EPB41L2: variants seen among roughly 807,000 people sequenced by gnomAD.
EPB41L2 encodes the protein erythrocyte membrane protein band 4.1 like 2.
EPB41L2 carries 43 observed loss-of-function variants against 113.0 expected under a neutral mutation model. That is an observed-to-expected ratio of 0.38 (90% CI 0.30 to 0.49). EPB41L2 has a LOEUF of 0.49. Ranked by LOEUF, EPB41L2 falls within the 20% of genes least tolerant of loss-of-function variation. EPB41L2 has a pLI of 0.95. For missense variants in EPB41L2, 1,147 were observed against 1,223.4 expected, an observed-to-expected ratio of 0.94 and a Z score of 0.93; for synonymous variants, 442 against 436.7, an observed-to-expected ratio of 1.01 and a Z score of -0.15.
rs1562504496 is a variant in EPB41L2, at chr6:130,926,728, C to T, written c.706-19G>A. On this transcript the variant is annotated intron_variant, in intron 3 of 19. Coordinates refer to ENST00000337057, the MANE Select transcript of EPB41L2 (RefSeq NM_001431.4). ...CATGTTTCTGGAGAAAAAATAATAA[C>T]TTTACTTTTCAAGTACTAAAGATTC... The T allele has an allele frequency of 6.5e-7, 1 of 1,531,284 alleles. No homozygotes were observed. Among genetic ancestry groups the T allele is most frequent in the East Asian group, 2.3e-5 (1 of 43,812 alleles). The allele number at this position is 1,531,284 out of a possible 1,614,324, so 94.9% of individuals were successfully genotyped here. A position where few individuals can be genotyped will look rare whatever the true frequency, so the allele number is the denominator to read the frequency against.
At chr6:130,979,053 C>T (rs900767377) in intron 1 of EPB41L2, among the ~76,000 whole-genome samples, 3 of 152,164 alleles carry the variant, frequency 2.0e-5, no homozygotes, top group African/African-American at 7.2e-5. Context: ...ACAAGGGAAG[C>T]AACACCCAAA....
At chr6:130,856,842 T>C (rs894272506) in intron 19 of EPB41L2, among the ~76,000 whole-genome samples, 1 of 152,230 alleles carries the variant, frequency 6.6e-6, no homozygotes, top group African/African-American at 2.4e-5. Flanking sequence ...GGAAACAGCA[T>C]AATGTGTTAA....
chr6:131,030,915 GA>G (rs75998999), intron 1 of EPB41L2, among the ~76,000 whole-genome samples: 1,630 of 122,980 alleles, frequency 0.013, 36 homozygotes, highest in African/African-American at 0.044. Context: ...CATCTCTACA[GA>G]AAAAAAAAAA....
intron 1 of EPB41L2, among the ~76,000 whole-genome samples, chr6:131,034,071 T>C (rs1037955238): frequency 6.6e-6 from 1 of 152,228 alleles, no homozygotes; most frequent in African/African-American, 2.4e-5. Flanking sequence ...AGCTTATGAC[T>C]GTTAAAACAT....
chr6:131,025,046 C>T lies in EPB41L2; in HGVS notation c.-15+38109G>A, dbSNP rs117088505. On this transcript the variant is annotated intron_variant, in intron 1 of 19. Coordinates refer to ENST00000337057, the MANE Select transcript of EPB41L2 (RefSeq NM_001431.4). The stretch of plus-strand genomic sequence containing the variant: ...AGGCCTCACTCTACTCTGCTTATTT[C>T]AGGGTTTTTTTTTTAAGCCTATGCT... Among the ~76,000 whole-genome samples, 513 of 152,062 alleles carry T rather than the reference C, an allele frequency of 3.4e-3. 2 individuals are homozygous for T. Among genetic ancestry groups the T allele is most frequent in the Non-Finnish European group, 5.9e-3 (403 of 67,978 alleles).
At chr6:130,991,614 C>G (rs1781888374) in intron 1 of EPB41L2, among the ~76,000 whole-genome samples, 1 of 152,110 alleles carries the variant, frequency 6.6e-6, no homozygotes. Flanking sequence ...GTATCTACTT[C>G]TTTTTTTATT....
chr6:131,050,943 A>C (rs1229014473), intron 1 of EPB41L2, among the ~76,000 whole-genome samples: 1 of 152,238 alleles, frequency 6.6e-6, no homozygotes, highest in Non-Finnish European at 1.5e-5. Context: ...GTCTAAAGAC[A>C]GACAAACCAA....
At chr6:131,030,456 T>C (rs1024506795) in intron 1 of EPB41L2, among the ~76,000 whole-genome samples, 1 of 152,230 alleles carries the variant, frequency 6.6e-6, no homozygotes, top group African/African-American at 2.4e-5. Context: ...TGACAAATCA[T>C]TTCTATGTAA....
chr6:130,977,535 G>T (rs183736871), intron 1 of EPB41L2, among the ~76,000 whole-genome samples: 47 of 152,256 alleles, frequency 3.1e-4, no homozygotes, highest in Admixed American at 2.0e-3. Flanking sequence ...AGGGCCAGAA[G>T]AAACAAAACA....
intron 1 of EPB41L2, among the ~76,000 whole-genome samples, chr6:130,961,777 C>G (rs564246003): frequency 6.2e-4 from 94 of 152,246 alleles, no homozygotes; most frequent in Non-Finnish European, 1.0e-3. Context: ...ATATGAGAGT[C>G]TTTAATTTCT....
intron 1 of EPB41L2, among the ~76,000 whole-genome samples, chr6:131,048,804 T>C (rs1309468810): frequency 6.6e-6 from 1 of 152,188 alleles, no homozygotes; most frequent in African/African-American, 2.4e-5. Context: ...CTGTAACTGA[T>C]AATGGTACAT....
At chr6:130,861,409 G>A (rs1782003918) in intron 18 of EPB41L2, among the ~76,000 whole-genome samples, 4 of 152,142 alleles carry the variant, frequency 2.6e-5, no homozygotes, top group Admixed American at 2.6e-4. Context: ...AACTGAAAAA[G>A]ATGTCAATGT....
chr6:130,915,003 C>T (rs1800488684), intron 4 of EPB41L2, among the ~76,000 whole-genome samples: 1 of 152,208 alleles, frequency 6.6e-6, no homozygotes, highest in Non-Finnish European at 1.5e-5. Context: ...CTTAGAATAT[C>T]AAGTATTGTT....
intron 15 of EPB41L2, among the ~76,000 whole-genome samples, 182 bp downstream of exon 15, chr6:130,869,381 C>G (rs1229817154): frequency 1.3e-5 from 2 of 152,138 alleles, no homozygotes; most frequent in African/African-American, 4.8e-5. Context: ...GAAGCTGGAA[C>G]CCATGAACTG....
At chr6:130,892,385 T>A (rs2128482991) in intron 10 of EPB41L2, among the ~76,000 whole-genome samples, 1 of 150,118 alleles carries the variant, frequency 6.7e-6, no homozygotes, top group East Asian at 2.0e-4. Flanking sequence ...GCACTTGCCA[T>A]TTCTGAACAG....
intron 3 of EPB41L2, among the ~76,000 whole-genome samples, chr6:130,940,799 T>C (rs1296270858): frequency 2.0e-5 from 3 of 152,062 alleles, no homozygotes; most frequent in Non-Finnish European, 4.4e-5. Context: ...AATCCAAAAG[T>C]TTCTCCTCAG....
chr6:130,900,662 T>C (rs1298901526), intron 7 of EPB41L2, among the ~76,000 whole-genome samples: 1 of 152,190 alleles, frequency 6.6e-6, no homozygotes, highest in Non-Finnish European at 1.5e-5. Flanking sequence ...TATGTGGACA[T>C]GTTTGTCTCC....
intron 4 of EPB41L2, among the ~76,000 whole-genome samples, chr6:130,921,102 C>A (rs1802729512): frequency 6.6e-6 from 1 of 152,082 alleles, no homozygotes; most frequent in African/African-American, 2.4e-5. Flanking sequence ...TACACAGAAT[C>A]TCTGTCCTTT....
intron 14 of EPB41L2, among the ~76,000 whole-genome samples, chr6:130,876,000 A>G (rs1232261616): frequency 2.7e-5 from 4 of 147,164 alleles, no homozygotes; most frequent in Non-Finnish European, 3.0e-5. Flanking sequence ...AAAAAAAAAG[A>G]AGAAAGAAAA....
Sources: gnomAD v4.1 joint callset for allele counts (sites outside exome capture counted in the v4.1 genomes callset) on GRCh38, gnomAD v4.1.1 for gene constraint, MANE v1.5 for transcripts, NCBI Gene and HGNC (gene_info 2026-07-23, HGNC 2026-07-21) for gene names.